ESPNL: variants seen among roughly 807,000 people sequenced by gnomAD.
ESPNL encodes the protein espin-like protein.
A neutral mutation model predicts 46.8 loss-of-function variants in ESPNL; 49 were observed. The ratio of observed to expected loss-of-function variants is 1.05; its 90% CI spans 0.83 to 1.33. The LOEUF (loss-of-function observed/expected upper bound fraction) is 1.33. Ranked by LOEUF, ESPNL falls within the 40% of genes most tolerant of loss-of-function variation. ESPNL has a pLI of 0.00. For synonymous variants in ESPNL, 664 were observed against 662.1 expected (o/e 1.00, Z -0.04); for missense variants, 1,540 against 1,436.6 (o/e 1.07, Z -1.16).
chr2:238,108,086 A>T (rs929131361), intron 4 of ESPNL, 113 bp downstream of exon 4: 1 of 1,019,390 alleles, frequency 9.8e-7, no homozygotes, highest in African/African-American at 1.6e-5. Flanking sequence ...TCTTTTACAG[A>T]TAGGTAAACT....
chr2:238,128,821 CA>C lies in ESPNL; in HGVS notation c.1331del (p.Gln444ArgfsTer10), dbSNP rs1692204355. The C allele has an allele frequency of 6.4e-7, 1 of 1,551,026 alleles. No individual in the cohort carries two copies. Among genetic ancestry groups the C allele is most frequent in the Admixed American group, 2.0e-5 (1 of 51,174 alleles). On this transcript the variant is annotated frameshift_variant, in exon 8 of 9. Transcript: ENST00000343063. LOFTEE classifies it high-confidence loss of function. ...GLVPTRDERG[Q>X]PIPEWKRQVM... The stretch of plus-strand genomic sequence containing the variant: ...GGTGCCCACGCGGGATGAGCGCGGC[CA>C]GCCCATCCCAGAGTGGAAGCGGCAG...
chr2:238,128,661 G>A lies in ESPNL; in HGVS notation c.1216-46G>A, dbSNP rs760741375. On this transcript the variant is annotated intron_variant, in intron 7 of 8. Coordinates refer to ENST00000343063, the MANE Select transcript of ESPNL (RefSeq NM_194312.4). ...CTCTCGGATCTTCCCTCCACTCAGG[G>A]CCTGGGTCCCCTTCGGGCCTGTGTG... 7.8e-6 allele frequency: 12 copies of A among 1,536,908 alleles called. No homozygotes were observed. In the African/African-American group the frequency reaches 1.6e-4, roughly 21 times the overall value.
At chr2:238,121,042 C>G (rs1480792993) in intron 5 of ESPNL, among the ~76,000 whole-genome samples, 1 of 152,206 alleles carries the variant, frequency 6.6e-6, no homozygotes, top group Admixed American at 6.5e-5. Context: ...TCGGTACCTC[C>G]TTTGTGTTGG....
In ESPNL at chr2:238,130,676, G is replaced by T. The variant is rs201194043; in HGVS notation, c.1962G>T (p.Thr654=). 136 of 1,562,086 alleles carry T rather than the reference G, an allele frequency of 8.7e-5. 1 individual carries two copies. The East Asian group carries it at 2.2e-3, about 25-fold the overall frequency. The part of the protein sequence containing the change: ...QIQEWGVSVR[T]LRGNFESASG... Reference sequence around the variant, plus strand: ...AGGAGTGGGGGGTGTCTGTGCGGACGCTGCGGGGCAACTTCGAGTCGGCCT... The same window carrying T: ...AGGAGTGGGGGGTGTCTGTGCGGACTCTGCGGGGCAACTTCGAGTCGGCCT... The change falls in exon 9 of 9, where the codon ACG becomes ACT. Residue 654 remains threonine, a synonymous_variant. Coordinates refer to ENST00000343063, the MANE Select transcript of ESPNL (RefSeq NM_194312.4).
In ESPNL at chr2:238,114,394, C is replaced by T. The variant is rs1320464952; in HGVS notation, c.856-2509C>T. On this transcript the variant is annotated intron_variant, in intron 4 of 8. Coordinates refer to ENST00000343063, the MANE Select transcript of ESPNL (RefSeq NM_194312.4). The surrounding 1 kb of genome is among the most constrained non-coding windows in gnomAD (Gnocchi z 5.0). ...CATCCTGGCCTCCTCTTCCCAGCAACAGCTCCTTGGGGACGCTCCGCCTCC... is the reference window on the plus strand; with the variant it reads ...CATCCTGGCCTCCTCTTCCCAGCAATAGCTCCTTGGGGACGCTCCGCCTCC... 6.6e-6 allele frequency among the ~76,000 whole-genome samples: 1 copy of T among 152,172 alleles called. No individual in the cohort carries two copies. The highest frequency in any genetic ancestry group is 1.5e-5 in the Non-Finnish European group (1 of 68,032).
At chr2:238,103,783 G>A (rs1403492880) in intron 2 of ESPNL, among the ~76,000 whole-genome samples, 1 of 152,226 alleles carries the variant, frequency 6.6e-6, no homozygotes, top group Admixed American at 6.5e-5. Context: ...GGACCCTCAG[G>A]CTCTGCAGGT....
intron 7 of ESPNL, 126 bp downstream of exon 7, chr2:238,127,860 G>A: frequency 1.4e-6 from 1 of 690,348 alleles, no homozygotes; most frequent in Admixed American, 2.9e-5. Context: ...ATGCCAGGCT[G>A]CCTGCGTCAC....
chr2:238,100,683 G>T lies in ESPNL; in HGVS notation c.264G>T (p.Trp88Cys), dbSNP rs1279751095. 7.0e-7 allele frequency: 1 copy of T among 1,437,708 alleles called. No homozygotes were observed. Among genetic ancestry groups the T allele is most frequent in the Non-Finnish European group, 9.0e-7 (1 of 1,105,178 alleles). The allele number at this position is 1,437,708 out of a possible 1,614,324, so 89.1% of individuals were successfully genotyped here. ...AATGSLAELC[W>C]LVREGGCGLQ... Reference sequence around the variant, plus strand: ...CGGGCAGCCTGGCCGAGCTGTGCTGGCTGGTCCGCGAGGGGGGCTGCGGTC... The same window carrying T: ...CGGGCAGCCTGGCCGAGCTGTGCTGTCTGGTCCGCGAGGGGGGCTGCGGTC... The change falls in exon 1 of 9, where the codon TGG becomes TGT. Residue 88 changes from tryptophan to cysteine, a missense_variant. Physicochemically the swap from Trp to Cys is radical, Grantham distance 215. Coordinates refer to ENST00000343063, the MANE Select transcript of ESPNL (RefSeq NM_194312.4).
At position 238,130,646 on chromosome 2, in the gene ESPNL, G is replaced by A. The variant is rs939151189; in HGVS notation, c.1932G>A (p.Gln644=). 8.3e-6 allele frequency: 13 copies of A among 1,561,664 alleles called. No homozygotes were observed. Among genetic ancestry groups the A allele is most frequent in the South Asian group, 1.2e-5 (1 of 85,124 alleles). The change falls in exon 9 of 9, where the codon CAG becomes CAA. Residue 644 remains glutamine (Q), a synonymous_variant. Coordinates refer to ENST00000343063, the MANE Select transcript of ESPNL (RefSeq NM_194312.4). ...ASPPRSEAQR[Q]IQEWGVSVRT... ...CCCCTCGGAGCGAGGCCCAGCGCCA[G>A]ATCCAGGAGTGGGGGGTGTCTGTGC...
In ESPNL at chr2:238,104,792, G is replaced by A. The variant is rs147264039; in HGVS notation, c.622G>A (p.Ala208Thr). ...CCTTCGTGCTCTCGATGGCATGAGC[G>A]CCCTGCACGCTGCCGCCGCCCGTGG... ...VHLRALDGMS[A>T]LHAAAARGHY... The change falls in exon 3 of 9, where the codon GCC becomes ACC. Residue 208 changes from alanine to threonine, a missense_variant. Coordinates refer to ENST00000343063, the MANE Select transcript of ESPNL (RefSeq NM_194312.4). The A allele has an allele frequency of 4.4e-5, 69 of 1,578,060 alleles. No individual in the cohort carries two copies. Among genetic ancestry groups the A allele is most frequent in the African/African-American group, 4.2e-4 (31 of 74,076 alleles).
At chr2:238,104,058 G>C (rs570903119) in intron 2 of ESPNL, among the ~76,000 whole-genome samples, 1 of 152,206 alleles carries the variant, frequency 6.6e-6, no homozygotes, top group Non-Finnish European at 1.5e-5. Flanking sequence ...GTGGGGAGCA[G>C]GTGTGGGGGT....
chr2:238,115,499 G>A (rs1287798492), intron 4 of ESPNL, among the ~76,000 whole-genome samples: 4 of 152,186 alleles, frequency 2.6e-5, no homozygotes, highest in Admixed American at 6.5e-5. Flanking sequence ...ACTGGACTTC[G>A]CTGCCAGGCC....
intron 3 of ESPNL, 108 bp from the exon 4 acceptor site, chr2:238,107,683 C>T (rs1691626297): frequency 8.7e-7 from 1 of 1,146,628 alleles, no homozygotes; most frequent in African/African-American, 1.6e-5. Flanking sequence ...TACCCTGTGC[C>T]CCGAGAGGTA....
At chr2:238,107,296 A>C (rs575792551) in intron 3 of ESPNL, among the ~76,000 whole-genome samples, 2 of 152,292 alleles carry the variant, frequency 1.3e-5, no homozygotes, top group South Asian at 4.1e-4. Context: ...GGTGGCCGGC[A>C]GGTCAGGGCC....
chr2:238,104,070 C>T (rs1042942249), intron 2 of ESPNL, among the ~76,000 whole-genome samples: 36 of 152,124 alleles, frequency 2.4e-4, no homozygotes, highest in African/African-American at 8.2e-4. Context: ...TGTGGGGGTG[C>T]TCGTGAGATC....
rs778533871 is a variant in ESPNL at position 238,116,883 on chromosome 2, G to T, written c.856-20G>T. 3 of 1,610,864 alleles carry T rather than the reference G, an allele frequency of 1.9e-6. No homozygotes were observed. The South Asian group carries it at 3.3e-5, about 18-fold the overall frequency. The stretch of plus-strand genomic sequence containing the variant: ...TGGTTTGTGTCGTGGTGGGTCACAT[G>T]TGTGCCCTCCTCACTGCAGTGCTGC... On this transcript the variant is annotated intron_variant, in intron 4 of 8. Coordinates refer to ENST00000343063, the MANE Select transcript of ESPNL (RefSeq NM_194312.4).
At chr2:238,125,122 C>A in intron 5 of ESPNL, 148 bp from the exon 6 acceptor site, 1 of 475,626 alleles carries the variant, frequency 2.1e-6, no homozygotes, top group South Asian at 4.2e-5. Flanking sequence ...AAGGACCTGC[C>A]CCTCTCCTGC....
intron 8 of ESPNL, 59 bp from the exon 9 acceptor site, chr2:238,130,069 G>A: frequency 2.6e-6 from 4 of 1,551,852 alleles, no homozygotes; most frequent in Non-Finnish European, 3.5e-6. Flanking sequence ...TTGGAAGCTA[G>A]GTGGGCTGAT....
intron 5 of ESPNL, among the ~76,000 whole-genome samples, chr2:238,121,441 A>T (rs975281408): frequency 2.0e-5 from 3 of 152,254 alleles, no homozygotes; most frequent in Non-Finnish European, 4.4e-5. Flanking sequence ...TCTGTCACCC[A>T]GGCTGGAGTG....
Sources: gnomAD v4.1 joint callset for allele counts (sites outside exome capture counted in the v4.1 genomes callset) on GRCh38, gnomAD v4.1.1 for gene constraint, Gnocchi (gnomAD v3.1) non-coding constraint, MANE v1.5 for transcripts, NCBI Gene and HGNC (gene_info 2026-07-23, HGNC 2026-07-21) for gene names.